The following DNER variants were observed in gnomAD, a reference collection of about 807,000 sequenced individuals.
DNER encodes the protein delta and Notch-like epidermal growth factor-related receptor.
A neutral mutation model predicts 78.2 loss-of-function variants in DNER; 33 were observed. That is an observed-to-expected ratio of 0.42 (90% CI 0.32 to 0.56). The LOEUF (loss-of-function observed/expected upper bound fraction) is 0.56, where lower values mean the gene tolerates loss of function less well. Among genes scored for constraint, DNER ranks in the 20% least tolerant of loss-of-function variants. The pLI, the probability that DNER is intolerant of heterozygous loss-of-function variation, is 0.11. For missense variants in DNER, 918 were observed against 975.3 expected (o/e 0.94, Z 0.78); for synonymous variants, 417 against 384.8 (o/e 1.08, Z -0.98).
intron 10 of DNER, 110 bp downstream of exon 10, chr2:229,407,122 G>T (rs1226003769): frequency 1.1e-6 from 1 of 903,548 alleles, no homozygotes; most frequent in African/African-American, 1.7e-5. Flanking sequence ...TTTTGTAATG[G>T]TGTTTATATT....
rs867073600 is a variant in DNER, at chr2:229,449,112, T to A, written c.1262-1572A>T. On this transcript the variant is annotated intron_variant, in intron 7 of 12. Coordinates refer to ENST00000341772, the MANE Select transcript of DNER (RefSeq NM_139072.4). Reference sequence around the variant, plus strand: ...TATAAAATTCCTGGTAGCTTTTAAATCTTAGAAATCCTACTAAAAATGTAC... The same window carrying A: ...TATAAAATTCCTGGTAGCTTTTAAAACTTAGAAATCCTACTAAAAATGTAC... 4.1e-4 allele frequency among the ~76,000 whole-genome samples: 63 copies of A among 152,188 alleles called. 1 individual carries two copies. Among genetic ancestry groups the A allele is most frequent in the African/African-American group, 1.4e-3 (60 of 41,450 alleles).
chr2:229,375,318 A>T (rs1039046782), intron 11 of DNER, among the ~76,000 whole-genome samples: 1 of 152,226 alleles, frequency 6.6e-6, no homozygotes, highest in Non-Finnish European at 1.5e-5. Context: ...TATCCCATTT[A>T]TCAAGGCCTA....
chr2:229,595,173 C>A (rs1559177238), intron 1 of DNER, among the ~76,000 whole-genome samples: 1 of 152,102 alleles, frequency 6.6e-6, no homozygotes. Flanking sequence ...CTTACAGCAA[C>A]CCTTTTGGTA....
intron 1 of DNER, among the ~76,000 whole-genome samples, chr2:229,595,069 C>T (rs1038336259): frequency 4.0e-5 from 6 of 151,348 alleles, no homozygotes; most frequent in African/African-American, 1.2e-4. Context: ...CTAGTACAAG[C>T]ACAAAAAGCA....
intron 5 of DNER, among the ~76,000 whole-genome samples, chr2:229,545,604 T>C (rs1292676843): frequency 2.0e-5 from 3 of 152,178 alleles, no homozygotes; most frequent in Non-Finnish European, 2.9e-5. Flanking sequence ...GAGAGTTCTA[T>C]ACTGATGAAC....
chr2:229,490,922 T>C (rs534949873), intron 6 of DNER, among the ~76,000 whole-genome samples: 21 of 152,304 alleles, frequency 1.4e-4, no homozygotes, highest in African/African-American at 4.6e-4. Flanking sequence ...GCCTGATAAA[T>C]GCACATATTT....
intron 1 of DNER, among the ~76,000 whole-genome samples, chr2:229,603,593 T>C (rs950150457): frequency 3.3e-5 from 5 of 152,176 alleles, no homozygotes; most frequent in Admixed American, 1.3e-4. Flanking sequence ...GACCCATGCT[T>C]GAAGTCAGAA....
intron 4 of DNER, among the ~76,000 whole-genome samples, chr2:229,560,731 G>A (rs904973691): frequency 2.6e-5 from 4 of 152,124 alleles, no homozygotes; most frequent in Non-Finnish European, 2.9e-5. Context: ...AAAATTGCTC[G>A]ATGCTGAGAG....
At chr2:229,389,680 G>A (rs559747850) in intron 10 of DNER, among the ~76,000 whole-genome samples, 91 of 152,174 alleles carry the variant, frequency 6.0e-4, no homozygotes, top group Middle Eastern at 3.4e-3. Context: ...TTTACCTTAC[G>A]TTTATAAAAC....
intron 1 of DNER, among the ~76,000 whole-genome samples, chr2:229,710,849 T>C (rs1699900703): frequency 6.6e-6 from 1 of 151,902 alleles, no homozygotes; most frequent in East Asian, 1.9e-4. Context: ...ATGTCACAGG[T>C]GCTCAGTGAT....
intron 1 of DNER, among the ~76,000 whole-genome samples, chr2:229,594,782 G>A (rs939615033): frequency 1.3e-5 from 2 of 151,886 alleles, no homozygotes; most frequent in Non-Finnish European, 2.9e-5. Context: ...AGAAGGTAAG[G>A]GTTATATTTT....
At chr2:229,521,843 A>G (rs1298657820) in intron 5 of DNER, among the ~76,000 whole-genome samples, 1 of 152,176 alleles carries the variant, frequency 6.6e-6, no homozygotes, top group African/African-American at 2.4e-5. Context: ...AAGAAAAACT[A>G]TGAATTACAT....
At chr2:229,651,479 G>C (rs998554392) in intron 1 of DNER, among the ~76,000 whole-genome samples, 1 of 152,156 alleles carries the variant, frequency 6.6e-6, no homozygotes, top group African/African-American at 2.4e-5. Flanking sequence ...CCCTCTGCAG[G>C]TTCTCAAGAC....
intron 1 of DNER, among the ~76,000 whole-genome samples, chr2:229,602,940 T>C (rs1280247042): frequency 6.6e-6 from 1 of 152,094 alleles, no homozygotes; most frequent in Non-Finnish European, 1.5e-5. Flanking sequence ...ATAAGAACAA[T>C]GTGGGAGGGC....
intron 11 of DNER, among the ~76,000 whole-genome samples, chr2:229,379,397 T>G (rs1028231614): frequency 6.6e-6 from 1 of 152,194 alleles, no homozygotes; most frequent in Non-Finnish European, 1.5e-5. Flanking sequence ...AAATTTGTTT[T>G]TCCAGGTTAC....
chr2:229,703,372 A>G (rs748366716), intron 1 of DNER, among the ~76,000 whole-genome samples: 25 of 152,224 alleles, frequency 1.6e-4, no homozygotes, highest in Non-Finnish European at 2.9e-4. Flanking sequence ...CTACCCATAC[A>G]TTGCACCACA....
intron 6 of DNER, among the ~76,000 whole-genome samples, chr2:229,490,392 T>C (rs897252120): frequency 6.6e-6 from 1 of 152,224 alleles, no homozygotes; most frequent in East Asian, 1.9e-4. Context: ...AATGGAATAT[T>C]ATTCAGGCAT....
At chr2:229,366,079 A>G (rs1479267380) in intron 12 of DNER, among the ~76,000 whole-genome samples, 1 of 152,174 alleles carries the variant, frequency 6.6e-6, no homozygotes, top group African/African-American at 2.4e-5. Flanking sequence ...TGGGCTTAAT[A>G]CCTAGGTGAT....
chr2:229,486,280 T>C (rs1305155057), intron 6 of DNER, among the ~76,000 whole-genome samples: 1 of 151,816 alleles, frequency 6.6e-6, no homozygotes, highest in African/African-American at 2.4e-5. Context: ...CAAACAGGAT[T>C]TAAAAACCAA....
Sources: allele counts gnomAD v4.1 joint callset (sites outside exome capture counted in the v4.1 genomes callset), GRCh38; gene constraint gnomAD v4.1.1; transcripts MANE v1.5; gene names NCBI Gene and HGNC (gene_info 2026-07-23, HGNC 2026-07-21).